Variants in RBM47 observed in about 807,000 individuals in gnomAD.
RBM47 encodes the protein RNA binding motif protein 47.
A neutral mutation model predicts 47.1 loss-of-function variants in RBM47; 21 were observed. That is an observed-to-expected ratio of 0.45 (90% confidence interval 0.32 to 0.64). The LOEUF (loss-of-function observed/expected upper bound fraction) is 0.64. Among genes scored for constraint, RBM47 ranks in the 30% least tolerant of loss-of-function variants. The pLI, the probability that RBM47 is intolerant of heterozygous loss-of-function variation, is 0.05. For synonymous variants in RBM47, 375 were observed against 361.7 expected (o/e 1.04, Z -0.42); for missense variants, 708 against 870.9 (o/e 0.81, Z 2.35).
intron 1 of RBM47, among the ~76,000 whole-genome samples, chr4:40,597,301 A>G (rs1734845071): frequency 6.6e-6 from 1 of 151,226 alleles, no homozygotes; most frequent in Non-Finnish European, 1.5e-5. Flanking sequence ...ACTTCAATAA[A>G]TAAATATTTA....
chr4:40,467,358 C>T (rs970449526), intron 2 of RBM47, among the ~76,000 whole-genome samples: 1 of 149,544 alleles, frequency 6.7e-6, no homozygotes. Context: ...TGCGTAGTCT[C>T]GGCTCACTGC....
In RBM47 at chr4:40,564,857, C is replaced by T. The variant is rs6447199; in HGVS notation, c.-239-20351G>A. 5.8e-3 allele frequency among the ~76,000 whole-genome samples: 877 copies of T among 152,308 alleles called. 6 individuals are homozygous for T. Among genetic ancestry groups the T allele is most frequent in the African/African-American group, 0.02 (844 of 41,562 alleles). On this transcript the variant is annotated intron_variant, in intron 1 of 6. Transcript: ENST00000295971. ...ATAGAAACCATTCTAAAAGTAAACA[C>T]CAGTCTTGTGGTCCTCTGAGGCCCG... is the stretch of plus-strand genomic sequence containing the variant.
chr4:40,616,783 TAC>T (rs1736772226), intron 1 of RBM47, among the ~76,000 whole-genome samples: 1 of 152,064 alleles, frequency 6.6e-6, no homozygotes, highest in Admixed American at 6.6e-5. Flanking sequence ...GATCCATTTT[TAC>T]AGTGTCAATA....
intron 1 of RBM47, among the ~76,000 whole-genome samples, chr4:40,602,387 C>T (rs564261675): frequency 3.3e-5 from 5 of 152,040 alleles, no homozygotes; most frequent in Admixed American, 6.5e-5. Context: ...CGGTCGCTCA[C>T]GCCTGTAATC....
chr4:40,453,850 TA>T (rs903588262), intron 3 of RBM47, among the ~76,000 whole-genome samples: 1 of 151,444 alleles, frequency 6.6e-6, no homozygotes, highest in South Asian at 2.1e-4. Context: ...TTTTTTTTTT[TA>T]AAAAAAGAAA....
At chr4:40,478,199 G>A (rs13147971) in intron 2 of RBM47, among the ~76,000 whole-genome samples, 55 of 152,096 alleles carry the variant, frequency 3.6e-4, no homozygotes, top group African/African-American at 1.3e-3. Flanking sequence ...ATTTTTAGTA[G>A]AGACGGGGTT....
Position 40,466,667 on chromosome 4 carries a change from G to A in RBM47, c.-122C>T, listed in dbSNP as rs1279888068. ...CAGGCAGCTTCCTTGGGATTCCTCT[G>A]TTCAATTTTTGCAGTGCCCTTTGAG... is the stretch of plus-strand genomic sequence containing the variant. On this transcript the variant is annotated 5_prime_UTR_variant, in exon 3 of 7. Coordinates refer to ENST00000295971, the MANE Select transcript of RBM47 (RefSeq NM_001098634.2). 1 of 148,394 alleles carries A rather than the reference G, an allele frequency of 6.7e-6. No homozygotes were observed. The highest frequency in any genetic ancestry group is 2.5e-5 in the African/African-American group (1 of 40,432). The allele number at this position is 148,394 out of a possible 1,614,324, so 9.2% of individuals were successfully genotyped here. A position where few individuals can be genotyped will look rare whatever the true frequency, so the allele number is the denominator to read the frequency against.
chr4:40,433,418 A>T (rs1000436222), intron 5 of RBM47, among the ~76,000 whole-genome samples: 1 of 152,196 alleles, frequency 6.6e-6, no homozygotes, highest in African/African-American at 2.4e-5. Flanking sequence ...AGACCCCTAG[A>T]GTAAGGCTTT....
chr4:40,481,280 T>TC (rs1198103200), intron 2 of RBM47, among the ~76,000 whole-genome samples: 1 of 148,924 alleles, frequency 6.7e-6, no homozygotes, highest in African/African-American at 2.5e-5. Context: ...TTCTTTCTTT[T>TC]TTTTTTTTTT....
chr4:40,627,522 T>C (rs746447364), intron 1 of RBM47, among the ~76,000 whole-genome samples: 3 of 152,350 alleles, frequency 2.0e-5, no homozygotes, highest in Middle Eastern at 3.4e-3. Flanking sequence ...TCTATAGCAA[T>C]GAAAGCTCAG....
At chr4:40,620,206 A>G (rs1298941528) in intron 1 of RBM47, among the ~76,000 whole-genome samples, 3 of 87,986 alleles carry the variant, frequency 3.4e-5, no homozygotes, top group African/African-American at 1.1e-4. Flanking sequence ...AAAAAAAAAA[A>G]AAAAAAAAAA....
At chr4:40,436,889 C>T (rs1712523787) in intron 4 of RBM47, 3 of 634,478 alleles carry the variant, frequency 4.7e-6, no homozygotes, top group African/African-American at 1.8e-5. Flanking sequence ...ATTGTATCTG[C>T]AATTTCAGTA....
At chr4:40,476,428 AC>A (rs530152046) in intron 2 of RBM47, among the ~76,000 whole-genome samples, 3 of 152,000 alleles carry the variant, frequency 2.0e-5, no homozygotes, top group East Asian at 1.9e-4. Flanking sequence ...CATGAACCAA[AC>A]CCTCACCTTA....
intron 1 of RBM47, among the ~76,000 whole-genome samples, chr4:40,613,929 T>C (rs1350700049): frequency 2.0e-5 from 3 of 151,982 alleles, no homozygotes; most frequent in African/African-American, 4.8e-5. Flanking sequence ...CTGGGCATTG[T>C]AGGATGTCCA....
At chr4:40,619,007 TCAC>T (rs369783584) in intron 1 of RBM47, among the ~76,000 whole-genome samples, 3 of 152,028 alleles carry the variant, frequency 2.0e-5, no homozygotes, top group African/African-American at 7.2e-5. Flanking sequence ...CTCCAGGCCA[TCAC>T]CACATCTTGC....
intron 3 of RBM47, among the ~76,000 whole-genome samples, chr4:40,441,012 C>T (rs2154214802): frequency 6.6e-6 from 1 of 152,078 alleles, no homozygotes; most frequent in South Asian, 2.1e-4. Context: ...TTTTCCTCTT[C>T]AAGTGCTTGG....
chr4:40,437,087 A>AATATATATATATATATATATATAT (rs1712604912), intron 4 of RBM47, among the ~76,000 whole-genome samples: 1 of 55,640 alleles, frequency 1.8e-5, no homozygotes, highest in African/African-American at 9.8e-5. Flanking sequence ...AAAAAAAAAA[A>AATATATATATATATATATATATAT]AAAATATATA....
At chr4:40,595,941 C>T (rs887176505) in intron 1 of RBM47, among the ~76,000 whole-genome samples, 14 of 151,922 alleles carry the variant, frequency 9.2e-5, no homozygotes, top group African/African-American at 3.4e-4. Flanking sequence ...GTTATTTGCT[C>T]AATTACTTTT....
rs2307045 is a variant in RBM47, at chr4:40,436,628, T to G, written c.1143A>C (p.Arg381=). ...CTCTGTTGCCAGCTGCACCTCGCCC[T>G]CGGCCTCTTATGCTGCCTGCTTGTA... is the stretch of plus-strand genomic sequence containing the variant. ...YFVKAGSIRG[R]GRGAAGNRAP... Residue 381 remains arginine, a synonymous_variant, in exon 5 of 7, where the codon CGA becomes CGC. Transcript: ENST00000295971. The G allele has an allele frequency of 8.7e-5, 141 of 1,613,914 alleles. No individual in the cohort carries two copies. In the East Asian group the frequency reaches 3.1e-3, roughly 35 times the overall value.
Sources: allele counts gnomAD v4.1 joint callset (sites outside exome capture counted in the v4.1 genomes callset), GRCh38; gene constraint gnomAD v4.1.1; transcripts MANE v1.5; gene names NCBI Gene and HGNC (gene_info 2026-07-23, HGNC 2026-07-21).